Variants in USP40 observed in about 807,000 individuals in gnomAD.
The protein encoded by USP40 is ubiquitin carboxyl-terminal hydrolase 40.
USP40 carries 143 observed loss-of-function variants against 166.2 expected under a neutral mutation model. The ratio of observed to expected loss-of-function variants is 0.86; its 90% CI spans 0.75 to 0.99. The LOEUF is 0.99. Among genes scored for constraint, USP40 ranks in the 50% least tolerant of loss-of-function variants. The pLI, the probability that USP40 is intolerant of heterozygous loss-of-function variation, is 0.00. For synonymous variants in USP40, 498 were observed against 524.0 expected, an observed-to-expected ratio of 0.95 and a Z score of 0.68; for missense variants, 1,444 against 1,479.7, an observed-to-expected ratio of 0.98 and a Z score of 0.40.
intron 5 of USP40, among the ~76,000 whole-genome samples, chr2:233,556,001 A>G (rs944798334): frequency 2.6e-5 from 4 of 151,672 alleles, no homozygotes; most frequent in Non-Finnish European, 4.4e-5. Flanking sequence ...CTGTAGTCCC[A>G]GCTACTCGGG....
chr2:233,547,520 C>T (rs115072121), intron 8 of USP40, among the ~76,000 whole-genome samples: 2,182 of 152,236 alleles, frequency 0.014, 63 homozygotes, highest in African/African-American at 0.05. Flanking sequence ...AGCAAGTATT[C>T]GTCAACAACA....
chr2:233,554,334 A>T (rs991668813), intron 6 of USP40, 46 bp downstream of exon 6: 2 of 1,552,792 alleles, frequency 1.3e-6, no homozygotes, highest in Admixed American at 4.1e-5. Context: ...GACTTGTACT[A>T]ACTACAAAGT....
chr2:233,483,434 T>C (rs1025529880), intron 30 of USP40, among the ~76,000 whole-genome samples: 2 of 152,120 alleles, frequency 1.3e-5, no homozygotes, highest in Non-Finnish European at 2.9e-5. Flanking sequence ...GAGGTTACAG[T>C]GAGTGGAAAT....
intron 10 of USP40, 59 bp downstream of exon 10, chr2:233,540,603 T>C (rs1249275576): frequency 9.6e-7 from 1 of 1,038,696 alleles, no homozygotes; most frequent in Non-Finnish European, 1.5e-6. Flanking sequence ...ATTCATGTTG[T>C]TGCGATCATA....
At chr2:233,509,665 AC>A (rs1298239860) in intron 21 of USP40, among the ~76,000 whole-genome samples, 1 of 151,818 alleles carries the variant, frequency 6.6e-6, no homozygotes, top group African/African-American at 2.4e-5. Context: ...ACATGGAGAA[AC>A]CCCATCTCTA....
chr2:233,556,136 T>C (rs548089719), intron 5 of USP40, among the ~76,000 whole-genome samples: 2 of 144,020 alleles, frequency 1.4e-5, no homozygotes, highest in East Asian at 4.1e-4. Context: ...AAAAAGAAAA[T>C]GGTAATTTTG....
chr2:233,492,383 T>G (rs2065405007), intron 25 of USP40, among the ~76,000 whole-genome samples: 1 of 152,220 alleles, frequency 6.6e-6, no homozygotes, highest in East Asian at 1.9e-4. Context: ...TGTTGTTAAG[T>G]GACACATGAG....
chr2:233,529,458 G>C lies in USP40; in HGVS notation c.1526C>G (p.Ala509Gly), dbSNP rs2068318901. The change falls in exon 12 of 32, where the codon GCA becomes GGA. Residue 509 changes from alanine to glycine, a missense_variant. Ala to Gly is a moderately conservative substitution (Grantham distance 60, BLOSUM62 0). Transcript: ENST00000678225. ...VPCHLLNEMD[A>G]ANIELQTKRA... The stretch of plus-strand genomic sequence containing the variant: ...TTTGGTTTGCAGTTCAATGTTAGCT[G>C]CATCCATTTCATTCAGTAAATGACA... 2 of 1,580,170 alleles carry C rather than the reference G, an allele frequency of 1.3e-6. No individual in the cohort carries two copies. The highest frequency in any genetic ancestry group is 1.2e-5 in the South Asian group (1 of 86,572).
intron 17 of USP40, among the ~76,000 whole-genome samples, chr2:233,520,212 A>G (rs1435146936): frequency 2.0e-5 from 3 of 152,120 alleles, no homozygotes; most frequent in Non-Finnish European, 2.9e-5. Flanking sequence ...TAGGAGTAAA[A>G]CCGATGTCAG....
intron 31 of USP40, 37 bp from the exon 32 acceptor site, chr2:233,477,540 G>GAGCTGCCTTCCCCTGCTTTGCA (rs756254656): frequency 3.3e-5 from 52 of 1,567,952 alleles, no homozygotes; most frequent in Non-Finnish European, 4.4e-5. Context: ...ACTCATGGAT[G>GAGCTGCCTTCCCCTGCTTTGCA]CAGTGGGTGT....
intron 26 of USP40, 199 bp downstream of exon 26, chr2:233,490,968 A>C (rs1266365393): frequency 1.4e-6 from 1 of 701,182 alleles, no homozygotes; most frequent in South Asian, 1.5e-5. Context: ...CTGTCAGAGG[A>C]GGGACCAGTG....
intron 6 of USP40, among the ~76,000 whole-genome samples, chr2:233,551,805 A>G (rs2070591446): frequency 6.6e-6 from 1 of 152,118 alleles, no homozygotes; most frequent in African/African-American, 2.4e-5. Context: ...TTTCCTGCCC[A>G]ATTTCTGGCC....
chr2:233,488,188 CGAGG>C, intron 28 of USP40, 47 bp downstream of exon 28: 1 of 1,500,560 alleles, frequency 6.7e-7, no homozygotes, highest in Non-Finnish European at 9.1e-7. Context: ...AAAAGGCAAA[CGAGG>C]TTAAGATACG....
chr2:233,506,051 G>A (rs191328650), intron 21 of USP40, among the ~76,000 whole-genome samples: 1 of 152,254 alleles, frequency 6.6e-6, no homozygotes, highest in East Asian at 1.9e-4. Flanking sequence ...GCAATTGTGA[G>A]CAAAAAGAAC....
chr2:233,489,082 C>T (rs2065140138), intron 27 of USP40, among the ~76,000 whole-genome samples: 1 of 152,186 alleles, frequency 6.6e-6, no homozygotes, highest in African/African-American at 2.4e-5. Context: ...TGAGAAACAG[C>T]CACTCCTACT....
rs538847195 is a variant in USP40, at chr2:233,532,639, G to A, written c.1471+840C>T. Among the ~76,000 whole-genome samples, 6 of 152,148 alleles carry A rather than the reference G, an allele frequency of 3.9e-5. No individual in the cohort carries two copies. In the South Asian group the frequency reaches 1.0e-3, roughly 26 times the overall value. ...GGGCGTTTTGTCTAATTCTTTGTTC[G>A]AAATGCCAAGAACCTGGACAACTTG... On this transcript the variant is annotated intron_variant, in intron 11 of 31. Transcript: ENST00000678225.
chr2:233,477,544 T>C (rs1235140039), intron 31 of USP40, 41 bp from the exon 32 acceptor site: 2 of 1,567,804 alleles, frequency 1.3e-6, no homozygotes, highest in African/African-American at 2.7e-5. Flanking sequence ...ATGGATGCAG[T>C]GGGTGTCAGG....
In USP40 at chr2:233,533,509, G is replaced by A. The variant is rs369334781; in HGVS notation, c.1441C>T (p.Arg481Trp). 21 of 1,613,410 alleles carry A rather than the reference G, an allele frequency of 1.3e-5. No homozygotes were observed. Among genetic ancestry groups the A allele is most frequent in the Non-Finnish European group, 1.6e-5 (19 of 1,179,648 alleles). The change falls in exon 11 of 32, where the codon CGG becomes TGG. Residue 481 changes from arginine (R) to tryptophan (W), a missense_variant. Arg to Trp is a moderately radical substitution (Grantham distance 101, BLOSUM62 -3). Coordinates refer to ENST00000678225, the MANE Select transcript of USP40 (RefSeq NM_001365479.2). ...GKESAYMLFYRKSQLQRPPEA... is the reference protein window; with the variant it reads ...GKESAYMLFYWKSQLQRPPEA... ...GGGGGTCTCTGCAACTGGGATTTCC[G>A]ATAAAACAACATGTAGGCACTTTCT...
intron 21 of USP40, among the ~76,000 whole-genome samples, chr2:233,508,615 T>C (rs2066592956): frequency 6.6e-6 from 1 of 152,196 alleles, no homozygotes; most frequent in Non-Finnish European, 1.5e-5. Context: ...TTGAGGATCC[T>C]TGCCTAGGTT....
Sources: gnomAD v4.1 joint callset for allele counts (sites outside exome capture counted in the v4.1 genomes callset) on GRCh38, gnomAD v4.1.1 for gene constraint, MANE v1.5 for transcripts, NCBI Gene and HGNC (gene_info 2026-07-23, HGNC 2026-07-21) for gene names.